Variants in NR3C2 observed in about 807,000 individuals in gnomAD.
NR3C2 encodes the protein mineralocorticoid receptor.
In NR3C2, 15 loss-of-function variants were observed where a neutral mutation model predicts 86.4. The ratio of observed to expected loss-of-function variants is 0.17; its 90% CI spans 0.12 to 0.27. NR3C2 has a LOEUF of 0.27. Ranked by LOEUF, NR3C2 falls within the 10% of genes least tolerant of loss-of-function variation. The probability of loss-of-function intolerance (pLI) is 1.00; values close to 1 mark genes in which losing one functional copy is unlikely to be tolerated. For missense variants in NR3C2, 960 were observed against 1,195.6 expected, an observed-to-expected ratio of 0.80 and a Z score of 2.91; for synonymous variants, 458 against 450.5, an observed-to-expected ratio of 1.02 and a Z score of -0.21.
chr4:148,432,729 T>C lies in NR3C2; in HGVS notation c.1757+2375A>G, dbSNP rs1044355414. ...AAATAGGCAAAAAGGTTGGGTTTTTTGTTCAAAATAAGAGACTAAGGATGA... is the reference window on the plus strand; with the variant it reads ...AAATAGGCAAAAAGGTTGGGTTTTTCGTTCAAAATAAGAGACTAAGGATGA... On this transcript the variant is annotated intron_variant, in intron 2 of 8. Transcript: ENST00000358102. 2.0e-5 allele frequency among the ~76,000 whole-genome samples: 3 copies of C among 152,306 alleles called. No individual in the cohort carries two copies. In the East Asian group the frequency reaches 5.8e-4, roughly 29 times the overall value.
Position 148,080,886 on chromosome 4 carries a change from GTTT to G in NR3C2, c.*455_*457del, listed in dbSNP as rs72648710. The G allele has an allele frequency of 2.8e-6, 1 of 360,782 alleles. No homozygotes were observed. Among genetic ancestry groups the G allele is most frequent in the African/African-American group, 2.1e-5 (1 of 46,598 alleles). 22.3% of individuals were successfully genotyped at this position (360,782 alleles called of 1,614,324 possible). ...ATATATTTTTTTATTATTTTTTTGT[GTTT>G]TTTTAATAACAAAAGAATATTAATG... is the stretch of plus-strand genomic sequence containing the variant. On this transcript the variant is annotated 3_prime_UTR_variant, in exon 9 of 9. Transcript: ENST00000358102.
intron 6 of NR3C2, among the ~76,000 whole-genome samples, chr4:148,128,537 C>A (rs569968964): frequency 6.6e-6 from 1 of 152,304 alleles, no homozygotes; most frequent in South Asian, 2.1e-4. Flanking sequence ...ACACTTCATG[C>A]GGTGGCCATC....
At chr4:148,233,956 T>C (rs183952188) in intron 3 of NR3C2, among the ~76,000 whole-genome samples, 1 of 152,292 alleles carries the variant, frequency 6.6e-6, no homozygotes, top group African/African-American at 2.4e-5. Flanking sequence ...ACTTGCTCAA[T>C]GCAGGGTTGT....
At chr4:148,348,558 T>C (rs774135419) in intron 2 of NR3C2, among the ~76,000 whole-genome samples, 1 of 152,148 alleles carries the variant, frequency 6.6e-6, no homozygotes, top group African/African-American at 2.4e-5. Flanking sequence ...CTCTGCCTTT[T>C]TGTATAGCAT....
chr4:148,441,142 C>A lies in NR3C2; in HGVS notation c.-3+1018G>T, dbSNP rs72646907. Reference sequence around the variant, plus strand: ...AGTTAGAACTGAGCACACCTGATTTCTATTCACTCACCTAATTTACCGAGC... The same window carrying A: ...AGTTAGAACTGAGCACACCTGATTTATATTCACTCACCTAATTTACCGAGC... On this transcript the variant is annotated intron_variant, in intron 1 of 8. Coordinates refer to ENST00000358102, the MANE Select transcript of NR3C2 (RefSeq NM_000901.5). Among the ~76,000 whole-genome samples, 482 of 152,340 alleles carry A rather than the reference C, an allele frequency of 3.2e-3. 3 individuals are homozygous for A. The highest frequency in any genetic ancestry group is 6.8e-3 in the Middle Eastern group (2 of 294).
At chr4:148,303,792 G>A (rs938976013) in intron 2 of NR3C2, among the ~76,000 whole-genome samples, 2 of 152,208 alleles carry the variant, frequency 1.3e-5, no homozygotes, top group Admixed American at 6.5e-5. Flanking sequence ...TAAAGGTCAC[G>A]CTAGTATCCA....
intron 2 of NR3C2, among the ~76,000 whole-genome samples, chr4:148,295,895 G>T (rs1025204694): frequency 1.3e-5 from 2 of 151,908 alleles, no homozygotes; most frequent in Non-Finnish European, 2.9e-5. Context: ...CATATAGACT[G>T]CAGCCCAATA....
intron 2 of NR3C2, among the ~76,000 whole-genome samples, chr4:148,274,594 C>T (rs1740867772): frequency 1.3e-5 from 2 of 152,106 alleles, no homozygotes; most frequent in South Asian, 2.1e-4. Flanking sequence ...TTCCCCTTTG[C>T]CTTCTGCCAT....
intron 2 of NR3C2, among the ~76,000 whole-genome samples, chr4:148,421,310 T>C (rs1749269915): frequency 2.0e-5 from 3 of 152,240 alleles, no homozygotes; most frequent in Admixed American, 6.5e-5. Context: ...GTGCTTTTAA[T>C]GTGCACTGTT....
At chr4:148,229,201 G>A (rs370108551) in intron 3 of NR3C2, among the ~76,000 whole-genome samples, 2 of 152,194 alleles carry the variant, frequency 1.3e-5, no homozygotes, top group African/African-American at 4.8e-5. Flanking sequence ...CCACATGCAA[G>A]CTTGGACAAT....
chr4:148,425,626 C>A (rs919540139), intron 2 of NR3C2, among the ~76,000 whole-genome samples: 19 of 152,290 alleles, frequency 1.2e-4, no homozygotes, highest in African/African-American at 4.1e-4. Context: ...CTAAATATAG[C>A]AATCAGGGGC....
intron 2 of NR3C2, among the ~76,000 whole-genome samples, chr4:148,328,452 C>T (rs558905673): frequency 3.9e-5 from 6 of 152,320 alleles, no homozygotes; most frequent in African/African-American, 1.4e-4. Flanking sequence ...AAAGCCCTGA[C>T]TTTCAAGTAG....
intron 2 of NR3C2, among the ~76,000 whole-genome samples, chr4:148,362,468 A>C (rs1384658628): frequency 1.3e-5 from 2 of 152,232 alleles, no homozygotes; most frequent in Non-Finnish European, 2.9e-5. Context: ...TAAAACTTTA[A>C]AATTTAAAAA....
intron 2 of NR3C2, among the ~76,000 whole-genome samples, chr4:148,416,371 A>G (rs1321114147): frequency 6.6e-6 from 1 of 152,248 alleles, no homozygotes; most frequent in Non-Finnish European, 1.5e-5. Context: ...TAAGCACTTT[A>G]CATATTCTAA....
At chr4:148,227,233 C>T (rs991915627) in intron 3 of NR3C2, among the ~76,000 whole-genome samples, 3 of 152,090 alleles carry the variant, frequency 2.0e-5, no homozygotes, top group Middle Eastern at 3.2e-3. Context: ...AATACTGGCC[C>T]GTCATTCCGT....
At chr4:148,324,345 GTGTGTGTGTGTGTGTGTGTGTT>G (rs1389888797) in intron 2 of NR3C2, among the ~76,000 whole-genome samples, 14 of 88,758 alleles carry the variant, frequency 1.6e-4, no homozygotes, top group East Asian at 4.7e-4. Context: ...GTGTGTGTGT[GTGTGTGTGTGTGTGTGTGTGTT>G]TGTGTGTGTG....
At chr4:148,163,188 C>T (rs1449513410) in intron 4 of NR3C2, among the ~76,000 whole-genome samples, 2 of 152,178 alleles carry the variant, frequency 1.3e-5, no homozygotes, top group Non-Finnish European at 2.9e-5. Context: ...TTGGAATGTA[C>T]TACTAGCAAG....
intron 2 of NR3C2, among the ~76,000 whole-genome samples, chr4:148,393,929 T>G (rs1449744540): frequency 6.6e-6 from 1 of 152,192 alleles, no homozygotes. Context: ...GTGTCTTGGC[T>G]GGCCTTGTGA....
chr4:148,285,700 T>C (rs1741486410), intron 2 of NR3C2, among the ~76,000 whole-genome samples: 1 of 152,076 alleles, frequency 6.6e-6, no homozygotes, highest in Admixed American at 6.6e-5. Context: ...AGTGAGACTC[T>C]GTCTCAAAAA....
Sources: allele counts gnomAD v4.1 joint callset (sites outside exome capture counted in the v4.1 genomes callset), GRCh38; gene constraint gnomAD v4.1.1; transcripts MANE v1.5; gene names NCBI Gene and HGNC (gene_info 2026-07-23, HGNC 2026-07-21).